Variants in SLC44A5 observed in about 807,000 individuals in gnomAD.
The protein encoded by SLC44A5 is solute carrier family 44 member 5, also known as choline transporter-like protein 5.
A neutral mutation model predicts 101.8 loss-of-function variants in SLC44A5; 57 were observed. The ratio of observed to expected loss-of-function variants is 0.56; its 90% CI spans 0.45 to 0.70. The LOEUF is 0.70. Ranked by LOEUF, SLC44A5 falls within the 30% of genes least tolerant of loss-of-function variation. SLC44A5 has a pLI of 0.00. For missense variants in SLC44A5, 737 were observed against 853.1 expected, an observed-to-expected ratio of 0.86 and a Z score of 1.70; for synonymous variants, 281 against 290.9, an observed-to-expected ratio of 0.97 and a Z score of 0.35.
Position 75,371,960 on chromosome 1 carries a change from G to T in SLC44A5, c.52+24623C>A, listed in dbSNP as rs944468001. 3.9e-5 allele frequency among the ~76,000 whole-genome samples: 6 copies of T among 152,274 alleles called. No homozygotes were observed. The East Asian group carries it at 1.2e-3, about 29-fold the overall frequency. On this transcript the variant is annotated intron_variant, in intron 3 of 23. Transcript: ENST00000370859. ...GCCCGTAATCCCAGCACTTTGGGAGGCCGAGGCGGGCAGATCACTTAAGGG... is the reference window on the plus strand; with the variant it reads ...GCCCGTAATCCCAGCACTTTGGGAGTCCGAGGCGGGCAGATCACTTAAGGG...
chr1:75,612,846 C>G (rs190150483), upstream of SLC44A5, among the ~76,000 whole-genome samples: 45 of 152,226 alleles, frequency 3.0e-4, no homozygotes, highest in Non-Finnish European at 4.4e-4. Flanking sequence ...GTGATTATAA[C>G]CAATGTAACC....
At chr1:75,605,512 A>T (rs1675272791) in intron 1 of SLC44A5, among the ~76,000 whole-genome samples, 2 of 152,086 alleles carry the variant, frequency 1.3e-5, no homozygotes, top group African/African-American at 4.8e-5. Flanking sequence ...AGAGCTTAAC[A>T]AATCACCCTA....
intron 4 of SLC44A5, among the ~76,000 whole-genome samples, chr1:75,310,902 A>G (rs1024231883): frequency 1.3e-5 from 2 of 152,118 alleles, no homozygotes; most frequent in African/African-American, 2.4e-5. Flanking sequence ...AATTGTTTAT[A>G]TAATTCTTGA....
intron 5 of SLC44A5, among the ~76,000 whole-genome samples, chr1:75,282,918 G>A (rs552689774): frequency 1.3e-5 from 2 of 152,056 alleles, no homozygotes. Context: ...TGTGAGAATG[G>A]GCTAATACAC....
At chr1:75,386,281 A>T (rs555910415) in intron 3 of SLC44A5, among the ~76,000 whole-genome samples, 1 of 152,272 alleles carries the variant, frequency 6.6e-6, no homozygotes, top group South Asian at 2.1e-4. Context: ...CCCTGTTTGC[A>T]GATGACATGA....
At chr1:75,639,708 G>A in the SLC44A5 span, among the ~76,000 whole-genome samples, 1 of 152,100 alleles carries the variant, frequency 6.6e-6, no homozygotes, top group Non-Finnish European at 1.5e-5. Flanking sequence ...AGTTGCAGTT[G>A]AATTAATGTT....
chr1:75,222,545 A>G, intron 13 of SLC44A5, 85 bp from the exon 14 acceptor site: 2 of 785,410 alleles, frequency 2.5e-6, no homozygotes, highest in East Asian at 2.6e-5. Context: ...ATTGAACTTT[A>G]TGATTATTTC....
chr1:75,464,241 A>AAG (rs1666683818), intron 2 of SLC44A5, among the ~76,000 whole-genome samples: 2 of 150,464 alleles, frequency 1.3e-5, no homozygotes, highest in African/African-American at 2.4e-5. Context: ...AAAAAAAAAA[A>AAG]AAGCAAGAAA....
At chr1:75,646,631 T>C in the SLC44A5 span, among the ~76,000 whole-genome samples, 3 of 152,284 alleles carry the variant, frequency 2.0e-5, no homozygotes, top group South Asian at 6.2e-4. Context: ...CCCTGCATGC[T>C]CTTCTCATGA....
In SLC44A5 at chr1:75,482,438, TA is replaced by T. The variant is rs907013782; in HGVS notation, c.13+58996del. Among the ~76,000 whole-genome samples, 246 of 150,646 alleles carry T rather than the reference TA, an allele frequency of 1.6e-3. 1 individual carries two copies. Among genetic ancestry groups the T allele is most frequent in the African/African-American group, 3.0e-3 (125 of 41,122 alleles). On this transcript the variant is annotated intron_variant, in intron 2 of 23. Transcript: ENST00000370859. ...AGTATAATAATAATAAAATAAAAAATAAAAAAAAAGAATTCTACCTATTAAC... is the reference window on the plus strand; with the variant it reads ...AGTATAATAATAATAAAATAAAAAATAAAAAAAAGAATTCTACCTATTAAC...
intron 4 of SLC44A5, among the ~76,000 whole-genome samples, chr1:75,336,144 A>C (rs1407752144): frequency 6.6e-6 from 1 of 151,936 alleles, no homozygotes; most frequent in East Asian, 1.9e-4. Flanking sequence ...CTGTTTGTAA[A>C]ATGTATGGTT....
In SLC44A5 at chr1:75,217,885, G is replaced by A. The variant is rs758217464; in HGVS notation, c.1605C>T (p.Tyr535=). 13 of 1,594,708 alleles carry A rather than the reference G, an allele frequency of 8.2e-6. No individual in the cohort carries two copies. The South Asian group carries it at 1.2e-4, about 15-fold the overall frequency. Residue 535 remains tyrosine (Y), a synonymous_variant, in exon 18 of 24, where the codon TAC becomes TAT. Coordinates refer to ENST00000370859, the MANE Select transcript of SLC44A5 (RefSeq NM_001130058.2). ...LIQMFKIVLE[Y]LDHRLKRTQN... ...TCTTACGTTTAAGACGGTGGTCCAA[G>A]TATTCTAGTACAATTTTAAACATTT...
At chr1:75,579,114 A>C (rs1430465339) in intron 1 of SLC44A5, among the ~76,000 whole-genome samples, 1 of 152,214 alleles carries the variant, frequency 6.6e-6, no homozygotes, top group Non-Finnish European at 1.5e-5. Context: ...AATTGCTGAA[A>C]GTAGAGGTTT....
At chr1:75,524,819 T>A (rs1195908016) in intron 2 of SLC44A5, among the ~76,000 whole-genome samples, 1 of 152,132 alleles carries the variant, frequency 6.6e-6, no homozygotes, top group Admixed American at 6.6e-5. Context: ...TTATAATATA[T>A]ATCCTTATCT....
At chr1:75,650,185 G>A in the SLC44A5 span, among the ~76,000 whole-genome samples, 4,825 of 152,104 alleles carry the variant, frequency 0.032, 258 homozygotes, top group African/African-American at 0.11. Context: ...GTACCCATAG[G>A]TAATTTCTCC....
intron 4 of SLC44A5, among the ~76,000 whole-genome samples, chr1:75,317,981 C>T (rs1248568707): frequency 6.6e-6 from 1 of 152,154 alleles, no homozygotes; most frequent in Admixed American, 6.5e-5. Flanking sequence ...TAGCATTTCT[C>T]CTAGTGTAGT....
chr1:75,542,813 C>T (rs534818626), intron 1 of SLC44A5, among the ~76,000 whole-genome samples: 1 of 151,924 alleles, frequency 6.6e-6, no homozygotes, highest in South Asian at 2.1e-4. Flanking sequence ...TGCAATAATC[C>T]AAAATAATTT....
chr1:75,527,647 CA>C (rs1254548786), intron 2 of SLC44A5, among the ~76,000 whole-genome samples: 4 of 151,924 alleles, frequency 2.6e-5, no homozygotes, highest in African/African-American at 9.7e-5. Flanking sequence ...TTCCAATGAA[CA>C]ATTTTACTTA....
intron 2 of SLC44A5, among the ~76,000 whole-genome samples, chr1:75,469,825 A>G (rs772502954): frequency 6.7e-6 from 1 of 150,216 alleles, no homozygotes; most frequent in Non-Finnish European, 1.5e-5. Flanking sequence ...ATTTAAGCCC[A>G]GGAATTCGAG....
Sources: gnomAD v4.1 joint callset for allele counts (sites outside exome capture counted in the v4.1 genomes callset) on GRCh38, gnomAD v4.1.1 for gene constraint, MANE v1.5 for transcripts, NCBI Gene and HGNC (gene_info 2026-07-23, HGNC 2026-07-21) for gene names.